Variants in BRAP observed in about 807,000 individuals in gnomAD.
BRAP encodes the protein BRCA1 associated protein, also known as BRCA1-associated protein.
Under a neutral mutation model 73.4 loss-of-function variants are expected in BRAP, and 42 were observed. The ratio of observed to expected loss-of-function variants is 0.57; its 90% CI spans 0.45 to 0.74. The LOEUF (loss-of-function observed/expected upper bound fraction) is 0.74, where lower values mean the gene tolerates loss of function less well. BRAP is among the 30% of genes least tolerant of loss of function. BRAP has a pLI of 0.00. For missense variants in BRAP, 593 were observed against 751.4 expected, an observed-to-expected ratio of 0.79 and a Z score of 2.46; for synonymous variants, 255 against 267.4, an observed-to-expected ratio of 0.95 and a Z score of 0.45.
chr12:111,651,452 G>T (rs1886319953), intron 10 of BRAP, among the ~76,000 whole-genome samples: 1 of 151,500 alleles, frequency 6.6e-6, no homozygotes, highest in South Asian at 2.1e-4. Context: ...GCAGGGAGCG[G>T]CTTGAACCAG....
chr12:111,685,671 G>C lies in BRAP; in HGVS notation c.82+40C>G, dbSNP rs748004995. The C allele has an allele frequency of 3.2e-6, 5 of 1,580,416 alleles. No homozygotes were observed. The South Asian group carries it at 4.6e-5, about 14-fold the overall frequency. On this transcript the variant is annotated intron_variant, in intron 1 of 11. Coordinates refer to ENST00000419234, the MANE Select transcript of BRAP (RefSeq NM_006768.5). ...TGGGAAGGGAAGCCCTCCGGGCCCA[G>C]ACCCGGCTACAGGGAATGCGGCGAG...
intron 1 of BRAP, 73 bp downstream of exon 1, chr12:111,685,638 C>T (rs1019189911): frequency 1.3e-6 from 2 of 1,501,336 alleles, no homozygotes; most frequent in Non-Finnish European, 1.8e-6. Context: ...TTTCCCGGGC[C>T]AGTGCTTTGG....
chr12:111,647,353 T>A (rs1457106416), intron 11 of BRAP, among the ~76,000 whole-genome samples: 1 of 152,188 alleles, frequency 6.6e-6, no homozygotes, highest in Non-Finnish European at 1.5e-5. Flanking sequence ...TCAGGATAGA[T>A]TTAGATGTGC....
chr12:111,674,183 C>T (rs989113352), intron 4 of BRAP, among the ~76,000 whole-genome samples: 3 of 152,122 alleles, frequency 2.0e-5, no homozygotes, highest in Non-Finnish European at 2.9e-5. Flanking sequence ...GTAAGCTTCT[C>T]GATAGCTTTT....
At chr12:111,670,570 T>C (rs753114291) in intron 5 of BRAP, among the ~76,000 whole-genome samples, 1 of 152,208 alleles carries the variant, frequency 6.6e-6, no homozygotes, top group Non-Finnish European at 1.5e-5. Flanking sequence ...CTCAGCTCAC[T>C]GCAACCTCGG....
chr12:111,685,253 G>A (rs571927843), intron 1 of BRAP, among the ~76,000 whole-genome samples: 1 of 152,318 alleles, frequency 6.6e-6, no homozygotes, highest in South Asian at 2.1e-4. Context: ...TACACAAAAG[G>A]TGCTTAGTAC....
At chr12:111,669,983 A>G (rs1566123054) in intron 5 of BRAP, 2 of 651,986 alleles carry the variant, frequency 3.1e-6, no homozygotes, top group African/African-American at 1.8e-5. Context: ...ATCCCTTCCA[A>G]TATTCTTCAT....
chr12:111,667,567 G>A (rs1173607322), intron 5 of BRAP, among the ~76,000 whole-genome samples: 3 of 151,568 alleles, frequency 2.0e-5, no homozygotes, highest in Admixed American at 6.6e-5. Flanking sequence ...GGGTGTGGTC[G>A]TGGGTGCCTG....
intron 4 of BRAP, among the ~76,000 whole-genome samples, chr12:111,676,201 A>G: frequency 6.6e-6 from 1 of 152,174 alleles, no homozygotes; most frequent in East Asian, 1.9e-4. Context: ...AGCTAAAGCT[A>G]AGGCCAACAG....
intron 5 of BRAP, 110 bp downstream of exon 5, chr12:111,672,551 T>A: frequency 1.1e-6 from 1 of 899,776 alleles, no homozygotes; most frequent in Non-Finnish European, 1.7e-6. Context: ...ACCAGTCTAC[T>A]TTCTGTGTCT....
chr12:111,675,511 T>C (rs1367658548), intron 4 of BRAP, among the ~76,000 whole-genome samples: 2 of 148,596 alleles, frequency 1.3e-5, no homozygotes, highest in South Asian at 2.2e-4. Context: ...CCAGGCCCTG[T>C]GCTATGTACT....
chr12:111,672,836 T>C, intron 4 of BRAP, 62 bp from the exon 5 acceptor site: 1 of 1,275,822 alleles, frequency 7.8e-7, no homozygotes, highest in Non-Finnish European at 1.1e-6. Flanking sequence ...ATCTGCTTTA[T>C]ATTCAATATG....
At chr12:111,668,671 T>C (rs1337875330) in intron 5 of BRAP, among the ~76,000 whole-genome samples, 1 of 152,034 alleles carries the variant, frequency 6.6e-6, no homozygotes, top group Non-Finnish European at 1.5e-5. Flanking sequence ...AATTTGTTTT[T>C]TTTGAGACAG....
rs1055746286 is a variant in BRAP at position 111,642,869 on chromosome 12, G to A, written c.*1330C>T. On this transcript the variant is annotated 3_prime_UTR_variant, in exon 12 of 12. Transcript: ENST00000419234. The stretch of plus-strand genomic sequence containing the variant: ...GATGGTGATTAGTGATACAGTTGAT[G>A]TGCTAACAAGTAACATGTAAGACAT... The A allele has an allele frequency of 2.0e-5, 3 of 152,206 alleles. No homozygotes were observed. Among genetic ancestry groups the A allele is most frequent in the Admixed American group, 6.6e-5 (1 of 15,262 alleles). 9.4% of individuals were successfully genotyped at this position (152,206 alleles called of 1,614,324 possible).
chr12:111,674,534 C>T (rs745613520), intron 4 of BRAP, among the ~76,000 whole-genome samples: 12 of 152,188 alleles, frequency 7.9e-5, no homozygotes, highest in Non-Finnish European at 1.6e-4. Context: ...TGAGCCACCG[C>T]GCCTGGCTAC....
intron 11 of BRAP, among the ~76,000 whole-genome samples, chr12:111,645,525 G>A (rs1194976298): frequency 2.0e-5 from 3 of 152,162 alleles, no homozygotes; most frequent in Non-Finnish European, 4.4e-5. Flanking sequence ...AGGAAGTTAT[G>A]AGGAAAAGTG....
At chr12:111,669,803 T>G in intron 5 of BRAP, 1 of 511,028 alleles carries the variant, frequency 2.0e-6, no homozygotes, top group Non-Finnish European at 3.3e-6. Context: ...AGGAAACTGT[T>G]CCTTTTAAGT....
chr12:111,670,972 T>G (rs1450660474), intron 5 of BRAP, among the ~76,000 whole-genome samples: 2 of 152,024 alleles, frequency 1.3e-5, no homozygotes, highest in Non-Finnish European at 2.9e-5. Context: ...TGATGGCGCA[T>G]GCCTATAGTC....
chr12:111,659,303 G>A lies in BRAP; in HGVS notation c.1015C>T (p.Arg339Trp). ...CLICGHIGCG[R>W]YVSRHAYKHF... is the part of the protein sequence containing the mutation. ...TTATAAGCATGTCGACTGACATACC[G>A]TCCACATCCTATGTGGCCGCATATT... The change falls in exon 8 of 12, where the codon CGG becomes TGG. Residue 339 changes from arginine (R) to tryptophan (W), a missense_variant. By Grantham distance (101) the Arg-to-Trp change is moderately radical. Coordinates refer to ENST00000419234, the MANE Select transcript of BRAP (RefSeq NM_006768.5). 6.2e-7 allele frequency: 1 copy of A among 1,613,944 alleles called. No individual in the cohort carries two copies. Among genetic ancestry groups the A allele is most frequent in the Non-Finnish European group, 8.5e-7 (1 of 1,179,900 alleles).
Sources: gnomAD v4.1 joint callset for allele counts (sites outside exome capture counted in the v4.1 genomes callset) on GRCh38, gnomAD v4.1.1 for gene constraint, MANE v1.5 for transcripts, NCBI Gene and HGNC (gene_info 2026-07-23, HGNC 2026-07-21) for gene names.